Variants in TTC21B observed in about 807,000 individuals in gnomAD.
The protein encoded by TTC21B is tetratricopeptide repeat protein 21B.
In TTC21B, 127 loss-of-function variants were observed where a neutral mutation model predicts 175.1. The observed-to-expected ratio is 0.73, with a 90% CI of 0.63 to 0.84. The LOEUF is 0.84. Ranked by LOEUF, TTC21B falls within the 40% of genes least tolerant of loss-of-function variation. TTC21B has a pLI of 0.00. For missense variants in TTC21B, 1,561 were observed against 1,558.3 expected (o/e 1.00, Z -0.03); for synonymous variants, 524 against 524.5 (o/e 1.00, Z 0.01).
intron 22 of TTC21B, among the ~76,000 whole-genome samples, chr2:165,894,791 T>C (rs935382365): frequency 1.3e-5 from 2 of 152,216 alleles, no homozygotes; most frequent in African/African-American, 2.4e-5. Flanking sequence ...TGTCTGATAT[T>C]GGGAATATGG....
chr2:165,904,220 A>G (rs1042703946), intron 19 of TTC21B, among the ~76,000 whole-genome samples: 3 of 148,530 alleles, frequency 2.0e-5, no homozygotes, highest in African/African-American at 7.6e-5. Flanking sequence ...CTGGTAACTA[A>G]CCTATGGCTG....
chr2:165,899,609 C>T, intron 21 of TTC21B, among the ~76,000 whole-genome samples, 161 bp downstream of exon 21: 1 of 152,220 alleles, frequency 6.6e-6, no homozygotes, highest in East Asian at 1.9e-4. Flanking sequence ...CCTAATGATT[C>T]TGGGTCTTTA....
Position 165,924,619 on chromosome 2 carries a change from C to CT in TTC21B, c.1445dup (p.Thr483AspfsTer25). The CT allele has an allele frequency of 1.2e-6, 2 of 1,613,780 alleles. No homozygotes were observed. Among genetic ancestry groups the CT allele is most frequent in the Non-Finnish European group, 1.7e-6 (2 of 1,179,836 alleles). ...GACCTGGAACAGTTCTTACTACAGT[C>CT]TCCAGGACTGAGATGCAACGCCTGA... On this transcript the variant is annotated frameshift_variant, in exon 12 of 29. Coordinates refer to ENST00000243344, the MANE Select transcript of TTC21B (RefSeq NM_024753.5). LOFTEE classifies it high-confidence loss of function.
intron 28 of TTC21B, among the ~76,000 whole-genome samples, chr2:165,875,850 C>T (rs532590108): frequency 5.3e-5 from 8 of 151,408 alleles, no homozygotes; most frequent in Non-Finnish European, 1.0e-4. Context: ...TCTTTTACTC[C>T]ACCTCTTTAA....
intron 12 of TTC21B, among the ~76,000 whole-genome samples, chr2:165,923,743 GTTTTT>G (rs1190876494): frequency 2.8e-5 from 3 of 107,306 alleles, no homozygotes; most frequent in Admixed American, 2.3e-4. Context: ...CGCCCAGCTG[GTTTTT>G]TTTTTTTTTT....
chr2:165,908,333 T>C (rs1037957447), intron 18 of TTC21B, among the ~76,000 whole-genome samples: 1 of 152,166 alleles, frequency 6.6e-6, no homozygotes, highest in Non-Finnish European at 1.5e-5. Flanking sequence ...GGAAAAATGA[T>C]AGTAACTACC....
At chr2:165,875,162 A>G (rs1165253905) in intron 28 of TTC21B, among the ~76,000 whole-genome samples, 1 of 152,174 alleles carries the variant, frequency 6.6e-6, no homozygotes, top group Non-Finnish European at 1.5e-5. Flanking sequence ...AATATCTGAT[A>G]AACCCTTAGA....
rs774600685 is a variant in TTC21B, at chr2:165,935,645, C to T, written c.711-2588G>A. Among the ~76,000 whole-genome samples, 33 of 152,044 alleles carry T rather than the reference C, an allele frequency of 2.2e-4. 1 individual carries two copies. Among genetic ancestry groups the T allele is most frequent in the Non-Finnish European group, 4.4e-4 (30 of 67,988 alleles). On this transcript the variant is annotated intron_variant, in intron 6 of 28. Coordinates refer to ENST00000243344, the MANE Select transcript of TTC21B (RefSeq NM_024753.5). The stretch of plus-strand genomic sequence containing the variant: ...AGGATATGAGGTTAATATATAATAT[C>T]AATTGCTTTCCTATGCACTAGCAAT...
chr2:165,953,723 G>A lies in TTC21B; in HGVS notation c.-18C>T, dbSNP rs187707893. On this transcript the variant is annotated 5_prime_UTR_variant, in exon 1 of 29. Coordinates refer to ENST00000243344, the MANE Select transcript of TTC21B (RefSeq NM_024753.5). Reference sequence around the variant, plus strand: ...GAGTCCATGGCTGCCCCGAGGCCGGGCCGCGGGGCTCTGGGGATTGTCTCG... The same window carrying A: ...GAGTCCATGGCTGCCCCGAGGCCGGACCGCGGGGCTCTGGGGATTGTCTCG... 258 of 1,542,716 alleles carry A rather than the reference G, an allele frequency of 1.7e-4. No homozygotes were observed. The East Asian group carries it at 5.8e-3, about 35-fold the overall frequency.
chr2:165,874,652 T>G lies in TTC21B; in HGVS notation c.*103A>C. 1 of 1,023,690 alleles carries G rather than the reference T, an allele frequency of 9.8e-7. No individual in the cohort carries two copies. The highest frequency in any genetic ancestry group is 1.5e-6 in the Non-Finnish European group (1 of 656,178). 63.4% of individuals were successfully genotyped at this position (1,023,690 alleles called of 1,614,324 possible). On this transcript the variant is annotated 3_prime_UTR_variant, in exon 29 of 29. Coordinates refer to ENST00000243344, the MANE Select transcript of TTC21B (RefSeq NM_024753.5). ...TCTGCTGGAGAAAAAAGGGTATACT[T>G]CTAATAACAAAGCACTGAGCTCAAA...
At chr2:165,884,085 G>T in intron 25 of TTC21B, 67 bp from the exon 26 acceptor site, 1 of 1,243,066 alleles carries the variant, frequency 8.0e-7, no homozygotes, top group Non-Finnish European at 1.2e-6. Flanking sequence ...CATACAGAAA[G>T]CAGAAAATGC....
At chr2:165,875,165 C>A (rs894532555) in intron 28 of TTC21B, among the ~76,000 whole-genome samples, 32 of 152,042 alleles carry the variant, frequency 2.1e-4, no homozygotes, top group Admixed American at 2.0e-3. Context: ...ATCTGATAAA[C>A]CCTTAGAGAG....
chr2:165,899,681 C>G, intron 21 of TTC21B, 89 bp downstream of exon 21: 9 of 814,488 alleles, frequency 1.1e-5, no homozygotes, highest in Non-Finnish European at 1.5e-5. Context: ...GTGAGCCATG[C>G]CTCATCATCT....
At chr2:165,914,668 T>TGC (rs1686080750) in intron 15 of TTC21B, among the ~76,000 whole-genome samples, 1 of 141,348 alleles carries the variant, frequency 7.1e-6, no homozygotes, top group African/African-American at 3.0e-5. Context: ...TGTGTGTGTG[T>TGC]GTGTGTGTGT....
At chr2:165,948,453 G>C (rs1687655129) in intron 3 of TTC21B, 1 of 152,110 alleles carries the variant, frequency 6.6e-6, no homozygotes. Flanking sequence ...AAATAACTTT[G>C]TATTGATTTG....
chr2:165,934,512 A>AG (rs1275174757), intron 6 of TTC21B, among the ~76,000 whole-genome samples: 3 of 146,990 alleles, frequency 2.0e-5, no homozygotes, highest in Non-Finnish European at 3.0e-5. Flanking sequence ...AAAAAAAAAA[A>AG]AAAAAAAAAG....
At chr2:165,924,111 G>A (rs1686529679) in intron 12 of TTC21B, among the ~76,000 whole-genome samples, 1 of 152,014 alleles carries the variant, frequency 6.6e-6, no homozygotes, top group African/African-American at 2.4e-5. Flanking sequence ...GAAAACTAAG[G>A]TTATAAACGG....
intron 11 of TTC21B, chr2:165,928,726 C>T: frequency 6.0e-6 from 1 of 167,056 alleles, no homozygotes; most frequent in Non-Finnish European, 1.3e-5. Context: ...TTTTTTTAAC[C>T]AAAAGCAGAG....
chr2:165,882,896 G>C (rs1684882311), intron 26 of TTC21B, among the ~76,000 whole-genome samples: 1 of 152,072 alleles, frequency 6.6e-6, no homozygotes, highest in Non-Finnish European at 1.5e-5. Flanking sequence ...GCCTATTAAT[G>C]AGCATTCGGC....
Sources: gnomAD v4.1 joint callset for allele counts (sites outside exome capture counted in the v4.1 genomes callset) on GRCh38, gnomAD v4.1.1 for gene constraint, MANE v1.5 for transcripts, NCBI Gene and HGNC (gene_info 2026-07-23, HGNC 2026-07-21) for gene names.